CASP6: variants seen among roughly 807,000 people sequenced by gnomAD.
The protein encoded by CASP6 is caspase-6.
CASP6 carries 20 observed loss-of-function variants against 31.8 expected under a neutral mutation model. The ratio of observed to expected loss-of-function variants is 0.63; its 90% CI spans 0.44 to 0.91. The LOEUF is 0.91. Among genes scored for constraint, CASP6 ranks in the 40% least tolerant of loss-of-function variants. The pLI is 0.00. For synonymous variants in CASP6, 130 were observed against 127.8 expected (o/e 1.02, Z -0.12); for missense variants, 328 against 361.1 (o/e 0.91, Z 0.74).
At chr4:109,695,740 C>CA (rs762055298) in intron 4 of CASP6, among the ~76,000 whole-genome samples, 78,634 of 127,572 alleles carry the variant, frequency 0.62, 23,212 homozygotes, top group Middle Eastern at 0.67. Context: ...GACTCCATCT[C>CA]AAAAAAAAAA....
At chr4:109,700,032 G>A (rs538389134) in intron 1 of CASP6, among the ~76,000 whole-genome samples, 40 of 152,296 alleles carry the variant, frequency 2.6e-4, no homozygotes, top group African/African-American at 8.9e-4. Flanking sequence ...GCAGGCCAGC[G>A]GCTCACCTCC....
chr4:109,706,738 C>G (rs1011905809), upstream of CASP6, among the ~76,000 whole-genome samples: 2 of 152,144 alleles, frequency 1.3e-5, no homozygotes, highest in African/African-American at 2.4e-5. Context: ...AAAACCCTGT[C>G]TCTACTAAAA....
downstream of CASP6, chr4:109,684,547 G>A (rs774598514): frequency 1.2e-5 from 19 of 1,611,100 alleles, 1 homozygote; most frequent in South Asian, 1.3e-4. Flanking sequence ...CCTGGCTCAC[G>A]TGGTGGGTGT....
At chr4:109,678,938 G>A in the CASP6 span, among the ~76,000 whole-genome samples, 3 of 145,182 alleles carry the variant, frequency 2.1e-5, no homozygotes, top group African/African-American at 8.1e-5. Context: ...ATCCCAGACA[G>A]GGTGGCCGGG....
At chr4:109,683,287 G>A in the CASP6 span, 3 of 152,208 alleles carry the variant, frequency 2.0e-5, no homozygotes, top group Non-Finnish European at 4.4e-5. Flanking sequence ...CCCATTTGTG[G>A]TTTTTATTTA....
intron 4 of CASP6, among the ~76,000 whole-genome samples, chr4:109,695,903 G>A (rs893253155): frequency 2.6e-5 from 4 of 152,154 alleles, no homozygotes; most frequent in Admixed American, 6.5e-5. Context: ...GAAGAGCTCT[G>A]AAGAAAGTTT....
At chr4:109,698,414 C>T (rs1730318382) in intron 1 of CASP6, 72 bp from the exon 2 acceptor site, 1 of 1,280,226 alleles carries the variant, frequency 7.8e-7, no homozygotes, top group Admixed American at 2.0e-5. Context: ...AACTCCCATC[C>T]CCCTTCTGAC....
At chr4:109,685,074 T>G (rs1579101122), downstream of CASP6, 5 of 477,082 alleles carry the variant, frequency 1.0e-5, no homozygotes, top group East Asian at 1.6e-4. Context: ...GCAGCAGATC[T>G]TAAATGAGAC....
intron 5 of CASP6, among the ~76,000 whole-genome samples, chr4:109,693,684 C>CA (rs1203586044): frequency 0.18 from 12,663 of 70,694 alleles, 870 homozygotes; most frequent in African/African-American, 0.23. Flanking sequence ...GACTCCATCT[C>CA]AAAAAAAAAA....
downstream of CASP6, among the ~76,000 whole-genome samples, chr4:109,686,953 G>T: frequency 6.6e-6 from 1 of 150,902 alleles, no homozygotes; most frequent in Admixed American, 6.6e-5. Flanking sequence ...AGATAAAGTG[G>T]TAGGTTAAGG....
downstream of CASP6, chr4:109,687,741 G>A (rs1438361076): frequency 5.0e-6 from 3 of 605,322 alleles, no homozygotes; most frequent in East Asian, 5.7e-5. Context: ...TCTCAACTGA[G>A]ATTTTTACTT....
At chr4:109,682,993 C>G in the CASP6 span, 5 of 343,158 alleles carry the variant, frequency 1.5e-5, no homozygotes, top group African/African-American at 8.5e-5. Context: ...GAGCTGCCAT[C>G]TTAAACTCTA....
upstream of CASP6, among the ~76,000 whole-genome samples, chr4:109,706,024 A>G (rs1484476397): frequency 9.7e-5 from 10 of 103,464 alleles, no homozygotes; most frequent in Admixed American, 4.1e-4. Context: ...ATATATATAT[A>G]TATATATAAT....
intron 5 of CASP6, among the ~76,000 whole-genome samples, chr4:109,693,083 AAG>A (rs1730126015): frequency 6.6e-6 from 1 of 152,062 alleles, no homozygotes; most frequent in African/African-American, 2.4e-5. Flanking sequence ...CTGGTTACTT[AAG>A]AGAGTCTGGG....
At chr4:109,701,468 G>A (rs1198564582) in intron 1 of CASP6, among the ~76,000 whole-genome samples, 1 of 149,848 alleles carries the variant, frequency 6.7e-6, no homozygotes, top group East Asian at 2.0e-4. Context: ...TCCCTCTGTC[G>A]CCCAGGCTGC....
At chr4:109,694,132 T>A (rs1188178556) in intron 5 of CASP6, among the ~76,000 whole-genome samples, 1 of 152,186 alleles carries the variant, frequency 6.6e-6, no homozygotes, top group Non-Finnish European at 1.5e-5. Flanking sequence ...CTAGAAGGCT[T>A]TATTTTTCCA....
At chr4:109,684,690 A>G (rs758565810), downstream of CASP6, 1 of 923,582 alleles carries the variant, frequency 1.1e-6, no homozygotes. Context: ...ACATCTTTGC[A>G]AAGAATGTCT....
chr4:109,701,496 T>C (rs939288026), intron 1 of CASP6, among the ~76,000 whole-genome samples: 1 of 152,028 alleles, frequency 6.6e-6, no homozygotes. Flanking sequence ...TGGCGCAATC[T>C]TGGCTCACTG....
chr4:109,674,092 T>C, the CASP6 span: 2 of 1,461,352 alleles, frequency 1.4e-6, no homozygotes, highest in Non-Finnish European at 1.9e-6. Flanking sequence ...CTATTCCATG[T>C]ATCGGGAATT....
Sources: allele counts gnomAD v4.1 joint callset (sites outside exome capture counted in the v4.1 genomes callset), GRCh38; gene constraint gnomAD v4.1.1; transcripts MANE v1.5; gene names NCBI Gene and HGNC (gene_info 2026-07-23, HGNC 2026-07-21).